CTTNBP2: variants seen among roughly 807,000 people sequenced by gnomAD.
CTTNBP2 encodes cortactin binding protein 2, also known as cortactin-binding protein 2.
A neutral mutation model predicts 156.9 loss-of-function variants in CTTNBP2; 108 were observed. The ratio of observed to expected loss-of-function variants is 0.69; its 90% CI spans 0.59 to 0.81. The LOEUF (loss-of-function observed/expected upper bound fraction) is 0.81. Among genes scored for constraint, CTTNBP2 ranks in the 30% least tolerant of loss-of-function variants. CTTNBP2 has a pLI of 0.00. For missense variants in CTTNBP2, 1,924 were observed against 2,035.4 expected (o/e 0.95, Z 1.05); for synonymous variants, 767 against 751.8 (o/e 1.02, Z -0.33).
chr7:117,810,261 C>T (rs1430905928), intron 3 of CTTNBP2, among the ~76,000 whole-genome samples: 2 of 152,208 alleles, frequency 1.3e-5, no homozygotes, highest in Admixed American at 6.5e-5. Flanking sequence ...TGAGACTGGA[C>T]ATACCACGCA....
At chr7:117,761,345 G>C (rs1183095708) in intron 9 of CTTNBP2, among the ~76,000 whole-genome samples, 4 of 152,188 alleles carry the variant, frequency 2.6e-5, no homozygotes, top group African/African-American at 9.7e-5. Context: ...TGGTTAACAG[G>C]GTAGCAGGAT....
At chr7:117,867,045 C>T (rs1266398988) in intron 1 of CTTNBP2, among the ~76,000 whole-genome samples, 1 of 152,166 alleles carries the variant, frequency 6.6e-6, no homozygotes, top group Non-Finnish European at 1.5e-5. Context: ...ATTAAATTCA[C>T]CTCTCTAGGT....
intron 8 of CTTNBP2, among the ~76,000 whole-genome samples, chr7:117,776,712 T>A (rs1245773904): frequency 6.6e-6 from 1 of 152,196 alleles, no homozygotes; most frequent in Non-Finnish European, 1.5e-5. Flanking sequence ...CTTTGAAATA[T>A]GTATGTTCTC....
chr7:117,860,580 T>C (rs1357675674), intron 2 of CTTNBP2, among the ~76,000 whole-genome samples: 3 of 152,270 alleles, frequency 2.0e-5, no homozygotes, highest in Admixed American at 1.3e-4. Flanking sequence ...CCTGACCTCA[T>C]GATCCGCCCA....
chr7:117,725,179 TC>T lies in CTTNBP2; in HGVS notation c.4133del (p.Arg1378AsnfsTer30). The T allele has an allele frequency of 6.2e-7, 1 of 1,614,022 alleles. No homozygotes were observed. The highest frequency in any genetic ancestry group is 8.5e-7 in the Non-Finnish European group (1 of 1,180,020). On this transcript the variant is annotated frameshift_variant, in exon 18 of 23. Transcript: ENST00000160373. LOFTEE classifies it high-confidence loss of function. ...EAILSRASVK[R>X]QPGFGQTTAK... ...CAGTTGTCTGCCCAAAGCCAGGTTG[TC>T]TTTTCACAGAGGCTCTTGACAATAT...
rs571698967 is a variant in CTTNBP2 at position 117,811,288 on chromosome 7, CT to C, written c.190-300del. On this transcript the variant is annotated intron_variant, in intron 2 of 22. Transcript: ENST00000160373. ...CAAGGATCAGAATTTAAGCAGCAGT[CT>C]TTTTTTACACCCCCACCCCTCCACC... Among the ~76,000 whole-genome samples, 10 of 152,140 alleles carry C rather than the reference CT, an allele frequency of 6.6e-5. No individual in the cohort carries two copies. In the East Asian group the frequency reaches 1.6e-3, roughly 24 times the overall value.
rs1432999227 is a variant in CTTNBP2 at position 117,863,146 on chromosome 7, C to T, written c.82-1830G>A. On this transcript the variant is annotated intron_variant, in intron 1 of 22. Coordinates refer to ENST00000160373, the MANE Select transcript of CTTNBP2 (RefSeq NM_033427.3). Reference sequence around the variant, plus strand: ...AATAATCTTCTGGAAAGAGATATGACGGTACAAAGGGGAAAGAGACTAGAG... The same window carrying T: ...AATAATCTTCTGGAAAGAGATATGATGGTACAAAGGGGAAAGAGACTAGAG... Among the ~76,000 whole-genome samples, 4 of 152,232 alleles carry T rather than the reference C, an allele frequency of 2.6e-5. No homozygotes were observed. The South Asian group carries it at 8.3e-4, about 32-fold the overall frequency.
intron 22 of CTTNBP2, among the ~76,000 whole-genome samples, chr7:117,713,082 G>T (rs1261021832): frequency 6.6e-6 from 1 of 152,146 alleles, no homozygotes. Flanking sequence ...GAGGGGTCTA[G>T]GTTGCCCAGT....
chr7:117,817,344 A>AT (rs1800651940), intron 2 of CTTNBP2, among the ~76,000 whole-genome samples: 16 of 69,942 alleles, frequency 2.3e-4, no homozygotes, highest in Admixed American at 5.9e-4. Flanking sequence ...AAAAAAAAAA[A>AT]AAAAAAAAAA....
At chr7:117,844,607 C>A (rs753496236) in intron 2 of CTTNBP2, among the ~76,000 whole-genome samples, 1 of 152,134 alleles carries the variant, frequency 6.6e-6, no homozygotes, top group Non-Finnish European at 1.5e-5. Context: ...ATTCTAAGGA[C>A]TTTTGCTGCA....
At chr7:117,834,517 C>T (rs1006126792) in intron 2 of CTTNBP2, among the ~76,000 whole-genome samples, 1 of 152,142 alleles carries the variant, frequency 6.6e-6, no homozygotes, top group East Asian at 1.9e-4. Context: ...ACCACTCACC[C>T]CAGTTAGGAA....
chr7:117,841,211 C>T (rs1802255963), intron 2 of CTTNBP2, among the ~76,000 whole-genome samples: 1 of 152,148 alleles, frequency 6.6e-6, no homozygotes, highest in Non-Finnish European at 1.5e-5. Context: ...CTGGTATCTG[C>T]TTCTTCATCT....
intron 2 of CTTNBP2, among the ~76,000 whole-genome samples, chr7:117,815,857 A>G (rs964650340): frequency 1.9e-4 from 29 of 152,306 alleles, no homozygotes; most frequent in African/African-American, 6.7e-4. Flanking sequence ...TCTGGGGCTC[A>G]CTGGCCTATA....
intron 2 of CTTNBP2, among the ~76,000 whole-genome samples, chr7:117,822,563 T>C (rs924635176): frequency 4.3e-4 from 66 of 152,344 alleles, no homozygotes; most frequent in African/African-American, 1.5e-3. Flanking sequence ...TGTTTTGACG[T>C]GTATATTTGC....
intron 2 of CTTNBP2, among the ~76,000 whole-genome samples, chr7:117,852,629 C>T (rs896702404): frequency 1.3e-5 from 2 of 152,130 alleles, no homozygotes; most frequent in Non-Finnish European, 2.9e-5. Flanking sequence ...TTATACTTGC[C>T]ATTCAATAGG....
rs778575997 is a variant in CTTNBP2 at position 117,777,772 on chromosome 7, A to G, written c.2524-7T>C. 1 of 1,601,608 alleles carries G rather than the reference A, an allele frequency of 6.2e-7. No homozygotes were observed. Among genetic ancestry groups the G allele is most frequent in the East Asian group, 2.2e-5 (1 of 44,588 alleles). On this transcript the variant is annotated splice_polypyrimidine_tract_variant and splice_region_variant and intron_variant, in intron 7 of 22. Transcript: ENST00000160373. ...GAACTGGTGTCCAGCCATCCTGAAA[A>G]TAAAATGACCAGGGGGAAAGGGTTG...
At chr7:117,854,743 CATTT>C (rs890548538) in intron 2 of CTTNBP2, among the ~76,000 whole-genome samples, 19 of 152,204 alleles carry the variant, frequency 1.2e-4, no homozygotes, top group Admixed American at 1.0e-3. Context: ...ATAGTTTTTA[CATTT>C]ATTTTAGCAA....
intron 8 of CTTNBP2, among the ~76,000 whole-genome samples, chr7:117,773,520 G>A (rs1797908514): frequency 6.6e-6 from 1 of 152,046 alleles, no homozygotes; most frequent in African/African-American, 2.4e-5. Flanking sequence ...AAGTAAAAAG[G>A]CAAATATGGA....
chr7:117,731,362 G>GT (rs1419801102), intron 16 of CTTNBP2, among the ~76,000 whole-genome samples: 6 of 152,086 alleles, frequency 3.9e-5, no homozygotes, highest in African/African-American at 9.7e-5. Context: ...CACTGAACAC[G>GT]TTTTTTTAAA....
Sources: gnomAD v4.1 joint callset for allele counts (sites outside exome capture counted in the v4.1 genomes callset) on GRCh38, gnomAD v4.1.1 for gene constraint, MANE v1.5 for transcripts, NCBI Gene and HGNC (gene_info 2026-07-23, HGNC 2026-07-21) for gene names.